Variants in DCTN2 observed in about 807,000 individuals in gnomAD.
DCTN2 encodes dynactin subunit 2.
A neutral mutation model predicts 55.4 loss-of-function variants in DCTN2; 18 were observed. That is an observed-to-expected ratio of 0.32 (90% CI 0.22 to 0.48). DCTN2 has a LOEUF of 0.48. Ranked by LOEUF, DCTN2 falls within the 20% of genes least tolerant of loss-of-function variation. DCTN2 has a pLI of 0.99. For missense variants in DCTN2, 390 were observed against 491.0 expected (o/e 0.79, Z 1.94); for synonymous variants, 168 against 185.2 (o/e 0.91, Z 0.76).
chr12:57,532,523 C>T (rs775016610), intron 11 of DCTN2, 49 bp downstream of exon 11: 26 of 1,593,526 alleles, frequency 1.6e-5, no homozygotes, highest in Middle Eastern at 1.7e-4. Flanking sequence ...CACTGCCACT[C>T]GGAGAACCTG....
intron 4 of DCTN2, 86 bp downstream of exon 4, chr12:57,535,398 C>A (rs965519138): frequency 1.0e-4 from 157 of 1,525,520 alleles, no homozygotes; most frequent in Admixed American, 2.7e-4. Context: ...CAGAATCCCG[C>A]CTGTATCCCT....
At chr12:57,533,443 T>G in intron 7 of DCTN2, 140 bp from the exon 8 acceptor site, 1 of 821,164 alleles carries the variant, frequency 1.2e-6, no homozygotes, top group South Asian at 1.5e-5. Flanking sequence ...GCCACAATCT[T>G]AAAATCCTAA....
chr12:57,533,921 G>A, intron 7 of DCTN2, 32 bp downstream of exon 7: 1 of 1,564,050 alleles, frequency 6.4e-7, no homozygotes, highest in South Asian at 1.2e-5. Context: ...ATCTCCCCTT[G>A]GCTTCCCAAC....
At chr12:57,531,695 A>G (rs986895608) in intron 13 of DCTN2, among the ~76,000 whole-genome samples, 1 of 152,182 alleles carries the variant, frequency 6.6e-6, no homozygotes, top group African/African-American at 2.4e-5. Flanking sequence ...TATCAGGGAG[A>G]GTAAAGTTGA....
At chr12:57,534,185 G>T (rs761332967) in intron 6 of DCTN2, 88 bp from the exon 7 acceptor site, 1 of 1,528,808 alleles carries the variant, frequency 6.5e-7, no homozygotes, top group African/African-American at 1.4e-5. Context: ...TCAGCATTAA[G>T]AAACATCTAA....
In DCTN2 at chr12:57,530,682, A is replaced by G. The variant is rs550502131; in HGVS notation, c.*7T>C. ...GATAACCCCTGTTCTCCAGCTCCCA[A>G]ATGTGCTCACTTTCCCAGCTTCTTC... On this transcript the variant is annotated 3_prime_UTR_variant, in exon 14 of 14. Transcript: ENST00000548249. 2.5e-6 allele frequency: 4 copies of G among 1,612,904 alleles called. No homozygotes were observed. Among genetic ancestry groups the G allele is most frequent in the East Asian group, 2.2e-5 (1 of 44,870 alleles).
At chr12:57,543,871 C>T (rs1880911871) in intron 2 of DCTN2, 2 of 1,251,536 alleles carry the variant, frequency 1.6e-6, no homozygotes, top group Non-Finnish European at 2.1e-6. Context: ...ATCAGCCACC[C>T]CACTAGATGC....
chr12:57,536,591 C>T (rs7964074), intron 2 of DCTN2, among the ~76,000 whole-genome samples: 101,877 of 152,100 alleles, frequency 0.67, 39,153 homozygotes, highest in Non-Finnish European at 0.86. Flanking sequence ...TCTTCAGAGA[C>T]GCTGCAGCAC....
Position 57,540,313 on chromosome 12 carries a change from G to A in DCTN2, c.106-4468C>T, listed in dbSNP as rs116687998. Among the ~76,000 whole-genome samples the A allele has an allele frequency of 5.4e-3, 819 of 152,304 alleles. 9 individuals carry two copies. The highest frequency in any genetic ancestry group is 0.018 in the African/African-American group (759 of 41,552). On this transcript the variant is annotated intron_variant, in intron 2 of 13. Coordinates refer to ENST00000548249, the MANE Select transcript of DCTN2 (RefSeq NM_001261413.2). ...CATGCGGATTGGGCAGAATAGGGAG[G>A]ACAGAAAATCAAATAAAAGGAAAAG...
At chr12:57,536,548 A>G (rs559074409) in intron 2 of DCTN2, among the ~76,000 whole-genome samples, 4 of 152,308 alleles carry the variant, frequency 2.6e-5, no homozygotes, top group South Asian at 2.1e-4. Flanking sequence ...CAAGAGCCAC[A>G]TGTAAGCTCT....
intron 2 of DCTN2, chr12:57,540,122 G>A: frequency 3.0e-6 from 3 of 985,186 alleles, no homozygotes; most frequent in Non-Finnish European, 3.6e-6. Flanking sequence ...AGGCTGGGAT[G>A]TCTCTGCATA....
intron 2 of DCTN2, among the ~76,000 whole-genome samples, chr12:57,540,824 T>C (rs1252884523): frequency 1.3e-5 from 2 of 152,240 alleles, no homozygotes; most frequent in African/African-American, 4.8e-5. Context: ...CCAAGTTATC[T>C]TACAATTGCA....
At chr12:57,540,965 T>C (rs1216226608) in intron 2 of DCTN2, among the ~76,000 whole-genome samples, 1 of 152,254 alleles carries the variant, frequency 6.6e-6, no homozygotes, top group African/African-American at 2.4e-5. Flanking sequence ...TCCCTTTTGT[T>C]TTCTATCCTT....
intron 2 of DCTN2, among the ~76,000 whole-genome samples, chr12:57,540,558 T>C (rs1168458147): frequency 6.6e-6 from 1 of 152,210 alleles, no homozygotes; most frequent in African/African-American, 2.4e-5. Flanking sequence ...CAGGGCTGTT[T>C]GGCTAAGTGG....
rs1380726645 is a variant in DCTN2 at position 57,535,519 on chromosome 12, T to C, written c.229A>G (p.Lys77Glu). Residue 77 changes from lysine (K) to glutamate (E), a missense_variant, in exon 4 of 14, where the codon AAG becomes GAG. Coordinates refer to ENST00000548249, the MANE Select transcript of DCTN2 (RefSeq NM_001261413.2). ...TCTCCAGATTCATATCCTGTCCTCT[T>C]GGTTTTTCCAATACGATCTGAGAAA... Reference protein sequence around the residue: ...LDFSDRIGKTKRTGYESGEYE... With the variant: ...LDFSDRIGKTERTGYESGEYE... 6.2e-7 allele frequency: 1 copy of C among 1,613,998 alleles called. No individual in the cohort carries two copies. Among genetic ancestry groups the C allele is most frequent in the Non-Finnish European group, 8.5e-7 (1 of 1,179,880 alleles).
At chr12:57,531,756 C>T (rs1422398054) in intron 13 of DCTN2, among the ~76,000 whole-genome samples, 1 of 151,332 alleles carries the variant, frequency 6.6e-6, no homozygotes. Context: ...TTCACTAGCC[C>T]CTAACAATTT....
Position 57,534,306 on chromosome 12 carries a change from A to G in DCTN2, c.510T>C (p.Asp170=). 1 of 1,594,454 alleles carries G rather than the reference A, an allele frequency of 6.3e-7. No individual in the cohort carries two copies. Among genetic ancestry groups the G allele is most frequent in the East Asian group, 2.3e-5 (1 of 44,310 alleles). ...PDAAINLTDP[D]GALAKRLLLQ... ...AGGGTACCCACTTAGCCAGGGCGCCATCGGGGTCGGTAAGGTTGATTGCAG... is the reference window on the plus strand; with the variant it reads ...AGGGTACCCACTTAGCCAGGGCGCCGTCGGGGTCGGTAAGGTTGATTGCAG... The change falls in exon 6 of 14, where the codon GAT becomes GAC. Residue 170 remains aspartate (D), a synonymous_variant. Transcript: ENST00000548249.
intron 2 of DCTN2, chr12:57,538,482 C>T (rs745855258): frequency 2.6e-6 from 2 of 759,970 alleles, no homozygotes; most frequent in Non-Finnish European, 4.8e-6. Context: ...TCATAGCACA[C>T]CCCGTTAAAA....
rs1370594787 is a variant in DCTN2, at chr12:57,547,169, G to C, written c.-106C>G. ...GGTCCCGGGCTAAGGCGGCGGCAAA[G>C]GGAGCGGCAGATGAGCAGGAAGTCT... On this transcript the variant is annotated 5_prime_UTR_variant, in exon 1 of 14. Transcript: ENST00000548249. 2 of 950,272 alleles carry C rather than the reference G, an allele frequency of 2.1e-6. No individual in the cohort carries two copies. The highest frequency in any genetic ancestry group is 1.4e-6 in the Non-Finnish European group (1 of 721,570). The allele number at this position is 950,272 out of a possible 1,614,324, so 58.9% of individuals were successfully genotyped here. A position where few individuals can be genotyped will look rare whatever the true frequency, so the allele number is the denominator to read the frequency against.
Sources: allele counts gnomAD v4.1 joint callset (sites outside exome capture counted in the v4.1 genomes callset), GRCh38; gene constraint gnomAD v4.1.1; transcripts MANE v1.5; gene names NCBI Gene and HGNC (gene_info 2026-07-23, HGNC 2026-07-21).